The following OR2C3 variants were observed in gnomAD, a reference collection of about 807,000 sequenced individuals.
OR2C3 encodes olfactory receptor family 2 subfamily C member 3.
For missense variants in OR2C3, 425 were observed against 401.5 expected, an observed-to-expected ratio of 1.06 and a Z score of -0.50; for synonymous variants, 178 against 163.4, an observed-to-expected ratio of 1.09 and a Z score of -0.68.
Position 247,531,243 on chromosome 1 carries a change from A to G in OR2C3, c.*306T>C. ...TTTATTATCCACGGAGCGTCCTGGA[A>G]TCCACCCGCTTCGGATACTGAGGAA... On this transcript the variant is annotated 3_prime_UTR_variant, in exon 3 of 3. Coordinates refer to ENST00000641802, the MANE Select transcript of OR2C3 (RefSeq NM_198074.6). 1 of 357,750 alleles carries G rather than the reference A, an allele frequency of 2.8e-6. No individual in the cohort carries two copies. The highest frequency in any genetic ancestry group is 4.4e-5 in the Admixed American group (1 of 22,692). 22.2% of individuals were successfully genotyped at this position (357,750 alleles called of 1,614,324 possible).
rs1666659310 is a variant in OR2C3 at position 247,525,819 on chromosome 1, G to T, written c.*5730C>A. On this transcript the variant is annotated 3_prime_UTR_variant, in exon 3 of 3. Transcript: ENST00000641802. ...CTCTAATTCTGCCTTGGTCTTTCAGGTGCCCAGCTCCCATCCTGAAGCTAC... is the reference window on the plus strand; with the variant it reads ...CTCTAATTCTGCCTTGGTCTTTCAGTTGCCCAGCTCCCATCCTGAAGCTAC... 1 of 152,284 alleles carries T rather than the reference G, an allele frequency of 6.6e-6. No individual in the cohort carries two copies. Among genetic ancestry groups the T allele is most frequent in the Middle Eastern group, 3.4e-3 (1 of 294 alleles). 9.4% of individuals were successfully genotyped at this position (152,284 alleles called of 1,614,324 possible).
rs35464493 is a variant in OR2C3 at position 247,525,412 on chromosome 1, C to CA, written c.*6136dup. ...CTTTTTACCTGTGTGTCTGACCAGTCAATCAGCTGTAAGTCTGGGTTACCA... is the reference window on the plus strand; with the variant it reads ...CTTTTTACCTGTGTGTCTGACCAGTCAAATCAGCTGTAAGTCTGGGTTACCA... On this transcript the variant is annotated 3_prime_UTR_variant, in exon 3 of 3. Transcript: ENST00000641802. The CA allele has an allele frequency of 0.73, 111,396 of 152,166 alleles. 42,557 individuals are homozygous for CA. The highest frequency in any genetic ancestry group is 0.97 in the East Asian group (5,031 of 5,174). The allele number at this position is 152,166 out of a possible 1,614,324, so 9.4% of individuals were successfully genotyped here.
Position 247,532,405 on chromosome 1 carries a change from TA to T in OR2C3, c.106del (p.Tyr36ThrfsTer37). The T allele has an allele frequency of 6.2e-7, 1 of 1,614,088 alleles. No homozygotes were observed. The highest frequency in any genetic ancestry group is 1.3e-5 in the African/African-American group (1 of 74,998). ...GCCATTGCCCAAGATCGATACCATG[TA>T]AAAACTCAAGACAACTATGAAGAGG... ...TVLFIVVLSF[Y>X]MVSILGNGII... On this transcript the variant is annotated frameshift_variant, in exon 3 of 3. Coordinates refer to ENST00000641802, the MANE Select transcript of OR2C3 (RefSeq NM_198074.6). LOFTEE classifies it low-confidence loss of function (END_TRUNC).
In OR2C3 at chr1:247,533,843, A is replaced by C. The variant is rs189503804; in HGVS notation, c.-366T>G. 319 of 152,310 alleles carry C rather than the reference A, an allele frequency of 2.1e-3. 1 individual carries two copies. Among genetic ancestry groups the C allele is most frequent in the African/African-American group, 7.3e-3 (305 of 41,562 alleles). The allele number at this position is 152,310 out of a possible 1,614,324, so 9.4% of individuals were successfully genotyped here. On this transcript the variant is annotated 5_prime_UTR_variant, in exon 2 of 3. It adds an upstream start codon to the 5' untranslated region. Transcript: ENST00000641802. ...GCCATTTGTCAGTTGATTTCTGTGA[A>C]ATTTCAGAGGACAAAGGTGAAATTT...
Position 247,531,621 on chromosome 1 carries a change from C to T in OR2C3, c.891G>A (p.Glu297=), listed in dbSNP as rs566537826. 7 of 1,614,180 alleles carry T rather than the reference C, an allele frequency of 4.3e-6. No individual in the cohort carries two copies. The South Asian group carries it at 6.6e-5, about 15-fold the overall frequency. Residue 297 remains glutamate, a synonymous_variant, in exon 3 of 3, where the codon GAG becomes GAA. Transcript: ENST00000641802. ...CCATGTGCCGGAGGGCGCTCTTCAC[C>T]TCCGTGTTCCTCAGGGTGTAAATAA... The part of the protein sequence containing the change: ...NPLIYTLRNT[E]VKSALRHMVL...
At position 247,532,210 on chromosome 1, in the gene OR2C3, T is replaced by C; in HGVS notation, c.302A>G (p.Gln101Arg). ...KTISYGGCVV[Q>R]FYISHWLGAT... ...CCCCAGCCAATGGGAGATATAGAAC[T>C]GGACCACACACCCTCCATAGCTTAT... Residue 101 changes from glutamine to arginine, a missense_variant, in exon 3 of 3, where the codon CAG becomes CGG. Transcript: ENST00000641802. 3.1e-6 allele frequency: 5 copies of C among 1,614,160 alleles called. No homozygotes were observed. Among genetic ancestry groups the C allele is most frequent in the African/African-American group, 1.3e-5 (1 of 75,034 alleles).
At position 247,529,706 on chromosome 1, in the gene OR2C3, T is replaced by TA. The variant is rs1180395027; in HGVS notation, c.*1842dup. On this transcript the variant is annotated 3_prime_UTR_variant, in exon 3 of 3. Coordinates refer to ENST00000641802, the MANE Select transcript of OR2C3 (RefSeq NM_198074.6). ...TTTGTTCAAACACAAGCCTCGGTGT[T>TA]ACTGTGAAGGTGTTTTTTTTTTTTT... 6.8e-6 allele frequency: 1 copy of TA among 146,390 alleles called. No individual in the cohort carries two copies. The highest frequency in any genetic ancestry group is 1.5e-5 in the Non-Finnish European group (1 of 67,238). The allele number at this position is 146,390 out of a possible 1,614,324, so 9.1% of individuals were successfully genotyped here. A position where few individuals can be genotyped will look rare whatever the true frequency, so the allele number is the denominator to read the frequency against.
chr1:247,533,014 G>A (rs555150790), intron 2 of OR2C3, among the ~76,000 whole-genome samples: 52 of 152,194 alleles, frequency 3.4e-4, no homozygotes, highest in African/African-American at 1.1e-3. Flanking sequence ...GGTAGAGGGT[G>A]GTCATTCATG....
Position 247,530,454 on chromosome 1 carries a change from T to G in OR2C3, c.*1095A>C, listed in dbSNP as rs1043718798. The G allele has an allele frequency of 1.3e-5, 2 of 151,892 alleles. No individual in the cohort carries two copies. Among genetic ancestry groups the G allele is most frequent in the African/African-American group, 4.8e-5 (2 of 41,308 alleles). 9.4% of individuals were successfully genotyped at this position (151,892 alleles called of 1,614,324 possible). On this transcript the variant is annotated 3_prime_UTR_variant, in exon 3 of 3. Transcript: ENST00000641802. ...CTCGCCTCACTGTAAGCACACTGGCTTAGAGCTCTCTGCACCTCCCTTTTC... is the reference window on the plus strand; with the variant it reads ...CTCGCCTCACTGTAAGCACACTGGCGTAGAGCTCTCTGCACCTCCCTTTTC...
intron 1 of OR2C3, among the ~76,000 whole-genome samples, chr1:247,535,222 A>T (rs1411496733): frequency 2.0e-5 from 3 of 152,184 alleles, no homozygotes; most frequent in African/African-American, 7.2e-5. Flanking sequence ...AGCTGAGGCT[A>T]GAGGATGGCT....
Position 247,532,379 on chromosome 1 carries a change from T to G in OR2C3, c.133A>C (p.Ile45Leu). 6.2e-7 allele frequency: 1 copy of G among 1,614,152 alleles called. No homozygotes were observed. The highest frequency in any genetic ancestry group is 8.5e-7 in the Non-Finnish European group (1 of 1,180,006). Residue 45 changes from isoleucine (I) to leucine (L), a missense_variant, in exon 3 of 3, where the codon ATC becomes CTC. Coordinates refer to ENST00000641802, the MANE Select transcript of OR2C3 (RefSeq NM_198074.6). ...TCTGTATGGGAGACCAGAATGATGA[T>G]GCCATTGCCCAAGATCGATACCATG... ...FYMVSILGNG[I>L]IILVSHTDVH...
rs1322761266 is a variant in OR2C3 at position 247,524,799 on chromosome 1, TATATG to T, written c.*6745_*6749del. The stretch of plus-strand genomic sequence containing the variant: ...CCCACTAGAAAAACGATTCAACACT[TATATG>T]ATGACAAAGATGTGTAGAATCATGT... On this transcript the variant is annotated 3_prime_UTR_variant, in exon 3 of 3. Coordinates refer to ENST00000641802, the MANE Select transcript of OR2C3 (RefSeq NM_198074.6). 3.9e-5 allele frequency: 6 copies of T among 152,126 alleles called. No individual in the cohort carries two copies. The highest frequency in any genetic ancestry group is 7.4e-5 in the Non-Finnish European group (5 of 68,024). 9.4% of individuals were successfully genotyped at this position (152,126 alleles called of 1,614,324 possible). A position where few individuals can be genotyped will look rare whatever the true frequency, so the allele number is the denominator to read the frequency against.
Position 247,532,333 on chromosome 1 carries a change from A to G in OR2C3, c.179T>C (p.Met60Thr). The change falls in exon 3 of 3, where the codon ATG becomes ACG. Residue 60 changes from methionine (M) to threonine (T), a missense_variant. By Grantham distance (81) the Met-to-Thr change is moderately conservative. Transcript: ENST00000641802. ...SHTDVHLHTP[M>T]YFFLANLPFL... is the part of the protein sequence containing the mutation. ...GGGGAGGTTGGCAAGAAAGAAGTAC[A>G]TAGGTGTGTGGAGGTGCACATCTGT... The G allele has an allele frequency of 6.2e-7, 1 of 1,614,086 alleles. No individual in the cohort carries two copies. The highest frequency in any genetic ancestry group is 8.5e-7 in the Non-Finnish European group (1 of 1,179,940).
rs1386272881 is a variant in OR2C3 at position 247,529,834 on chromosome 1, C to T, written c.*1715G>A. On this transcript the variant is annotated 3_prime_UTR_variant, in exon 3 of 3. Coordinates refer to ENST00000641802, the MANE Select transcript of OR2C3 (RefSeq NM_198074.6). ...GGGTCTCATCCCATCAGTTGAAAGCCTTAAGAGAAAAGACTGACCTGCTTC... is the reference window on the plus strand; with the variant it reads ...GGGTCTCATCCCATCAGTTGAAAGCTTTAAGAGAAAAGACTGACCTGCTTC... 6.6e-6 allele frequency: 1 copy of T among 150,696 alleles called. No individual in the cohort carries two copies. Among genetic ancestry groups the T allele is most frequent in the Admixed American group, 6.7e-5 (1 of 15,028 alleles). The allele number at this position is 150,696 out of a possible 1,614,324, so 9.3% of individuals were successfully genotyped here.
In OR2C3 at chr1:247,536,254, A is replaced by G. The variant is rs914377782; in HGVS notation, c.-488T>C. Reference sequence around the variant, plus strand: ...ATATTTTATTAAAAAGACTGATAACATTCATGAATTCAATGCGTGTGGCAT... The same window carrying G: ...ATATTTTATTAAAAAGACTGATAACGTTCATGAATTCAATGCGTGTGGCAT... On this transcript the variant is annotated 5_prime_UTR_variant, in exon 1 of 3. It removes an upstream start codon present in the reference 5' UTR. Coordinates refer to ENST00000641802, the MANE Select transcript of OR2C3 (RefSeq NM_198074.6). The G allele has an allele frequency of 3.9e-5, 6 of 152,208 alleles. No homozygotes were observed. The highest frequency in any genetic ancestry group is 1.3e-4 in the Admixed American group (2 of 15,280). 9.4% of individuals were successfully genotyped at this position (152,208 alleles called of 1,614,324 possible). A position where few individuals can be genotyped will look rare whatever the true frequency, so the allele number is the denominator to read the frequency against.
Position 247,525,441 on chromosome 1 carries a change from C to A in OR2C3, c.*6108G>T, listed in dbSNP as rs1471314563. On this transcript the variant is annotated 3_prime_UTR_variant, in exon 3 of 3. Transcript: ENST00000641802. ...CAGCTGTAAGTCTGGGTTACCACAG[C>A]CCCCTTCTTGGGTTCAATTAATTTG... The A allele has an allele frequency of 2.6e-5, 4 of 152,244 alleles. No individual in the cohort carries two copies. Among genetic ancestry groups the A allele is most frequent in the African/African-American group, 7.2e-5 (3 of 41,450 alleles). 9.4% of individuals were successfully genotyped at this position (152,244 alleles called of 1,614,324 possible). A position where few individuals can be genotyped will look rare whatever the true frequency, so the allele number is the denominator to read the frequency against.
rs138735337 is a variant in OR2C3 at position 247,532,111 on chromosome 1, G to T, written c.401C>A (p.Thr134Asn). 1 of 1,613,976 alleles carries T rather than the reference G, an allele frequency of 6.2e-7. No individual in the cohort carries two copies. The highest frequency in any genetic ancestry group is 8.5e-7 in the Non-Finnish European group (1 of 1,179,982). The change falls in exon 3 of 3, where the codon ACT (threonine) becomes AAT (asparagine). Residue 134 changes from threonine to asparagine, a missense_variant. Thr to Asn is a moderately conservative substitution (Grantham distance 65). Transcript: ENST00000641802. The stretch of plus-strand genomic sequence containing the variant: ...GCAAAGCTGTGGATGCATAATGACA[G>T]TGTAATGGAGTGGCCTGCAGATGGC... The part of the protein sequence containing the change: ...YAAICRPLHY[T>N]VIMHPQLCLG...
In OR2C3 at chr1:247,529,718, G is replaced by GTTT. The variant is rs57236564; in HGVS notation, c.*1828_*1830dup. ...CAAGCCTCGGTGTTACTGTGAAGGT[G>GTTT]TTTTTTTTTTTTTTTTTTTTTTTTT... On this transcript the variant is annotated 3_prime_UTR_variant, in exon 3 of 3. Coordinates refer to ENST00000641802, the MANE Select transcript of OR2C3 (RefSeq NM_198074.6). 65 of 108,292 alleles carry GTTT rather than the reference G, an allele frequency of 6.0e-4. 5 individuals carry two copies. Among genetic ancestry groups the GTTT allele is most frequent in the African/African-American group, 2.3e-3 (63 of 27,480 alleles). 6.7% of individuals were successfully genotyped at this position (108,292 alleles called of 1,614,324 possible).
Position 247,531,409 on chromosome 1 carries a change from T to C in OR2C3, c.*140A>G, listed in dbSNP as rs1404889154. The C allele has an allele frequency of 1.8e-5, 14 of 790,952 alleles. No individual in the cohort carries two copies. Among genetic ancestry groups the C allele is most frequent in the East Asian group, 2.5e-5 (1 of 40,124 alleles). The allele number at this position is 790,952 out of a possible 1,614,324, so 49.0% of individuals were successfully genotyped here. A position where few individuals can be genotyped will look rare whatever the true frequency, so the allele number is the denominator to read the frequency against. On this transcript the variant is annotated 3_prime_UTR_variant, in exon 3 of 3. Coordinates refer to ENST00000641802, the MANE Select transcript of OR2C3 (RefSeq NM_198074.6). ...GTATTTTCTTGGTCTGGAAATGGCA[T>C]GAGCACACTCCTTTCAGATTTCCAT... is the stretch of plus-strand genomic sequence containing the variant.
Sources: gnomAD v4.1 joint callset for allele counts (sites outside exome capture counted in the v4.1 genomes callset) on GRCh38, gnomAD v4.1.1 for gene constraint, MANE v1.5 for transcripts, NCBI Gene and HGNC (gene_info 2026-07-23, HGNC 2026-07-21) for gene names.